Variants in DOCK10 observed in about 807,000 individuals in gnomAD.
The protein encoded by DOCK10 is dedicator of cytokinesis 10.
DOCK10 carries 145 observed loss-of-function variants against 280.1 expected under a neutral mutation model. That is an observed-to-expected ratio of 0.52 (90% CI 0.45 to 0.59). The LOEUF (loss-of-function observed/expected upper bound fraction) is 0.59, where lower values mean the gene tolerates loss of function less well. Ranked by LOEUF, DOCK10 falls within the 20% of genes least tolerant of loss-of-function variation. The probability of loss-of-function intolerance (pLI) is 0.00; values close to 1 mark genes in which losing one functional copy is unlikely to be tolerated. For synonymous variants in DOCK10, 915 were observed against 942.2 expected, an observed-to-expected ratio of 0.97 and a Z score of 0.53; for missense variants, 2,368 against 2,651.7, an observed-to-expected ratio of 0.89 and a Z score of 2.35.
intron 1 of DOCK10, among the ~76,000 whole-genome samples, chr2:224,972,021 A>G (rs1705114527): frequency 6.6e-6 from 1 of 152,144 alleles, no homozygotes. Context: ...AAAATTACAT[A>G]TGTGGCTTAT....
At chr2:224,983,544 G>A (rs1038598951) in intron 1 of DOCK10, 12 of 234,086 alleles carry the variant, frequency 5.1e-5, no homozygotes, top group Non-Finnish European at 9.8e-5. Context: ...TGGGCTCCTC[G>A]GCGTGAAGGG....
intron 55 of DOCK10, among the ~76,000 whole-genome samples, chr2:224,769,175 G>A (rs1285614963): frequency 1.3e-5 from 2 of 152,040 alleles, no homozygotes; most frequent in Admixed American, 6.6e-5. Context: ...CTACCTCCAC[G>A]AGGAATCCTA....
At chr2:224,869,277 A>C (rs143496887) in intron 11 of DOCK10, among the ~76,000 whole-genome samples, 42 of 152,330 alleles carry the variant, frequency 2.8e-4, no homozygotes, top group Middle Eastern at 3.4e-3. Context: ...TTTGGTTTTC[A>C]ATTTACTGAC....
At chr2:225,000,726 T>A (rs960564349) in intron 1 of DOCK10, among the ~76,000 whole-genome samples, 2 of 152,204 alleles carry the variant, frequency 1.3e-5, no homozygotes, top group Non-Finnish European at 2.9e-5. Flanking sequence ...ATGCCTGTAA[T>A]CCCAGCACTT....
chr2:224,862,628 G>T, intron 14 of DOCK10, 36 bp downstream of exon 14: 5 of 1,543,580 alleles, frequency 3.2e-6, no homozygotes, highest in Non-Finnish European at 4.5e-6. Context: ...ACCATTAAAT[G>T]TATTTCTAGT....
Position 224,800,148 on chromosome 2 carries a change from CACCTGAT to C in DOCK10, c.4502_4506+2del. On this transcript the variant is annotated splice_donor_variant and coding_sequence_variant, in exon 41 of 56. Transcript: ENST00000258390. LOFTEE classifies it high-confidence loss of function. ...TTGCAGAAAATGTTATCATCATATTCACCTGATGAGTCTGTGTGAAGAGGGATAACAG... is the reference window on the plus strand; with the variant it reads ...TTGCAGAAAATGTTATCATCATATTCGAGTCTGTGTGAAGAGGGATAACAG... 1 of 1,545,036 alleles carries C rather than the reference CACCTGAT, an allele frequency of 6.5e-7. No homozygotes were observed. Among genetic ancestry groups the C allele is most frequent in the Non-Finnish European group, 8.9e-7 (1 of 1,124,098 alleles).
chr2:224,950,544 G>C (rs1411155817), intron 1 of DOCK10, among the ~76,000 whole-genome samples: 1 of 152,192 alleles, frequency 6.6e-6, no homozygotes, highest in Non-Finnish European at 1.5e-5. Flanking sequence ...GAAGTTCAAA[G>C]ATGCCAGGTT....
intron 1 of DOCK10, among the ~76,000 whole-genome samples, chr2:224,946,096 C>A (rs1305237334): frequency 4.6e-5 from 7 of 152,182 alleles, no homozygotes; most frequent in African/African-American, 1.7e-4. Flanking sequence ...GTGGGCCCTT[C>A]ACTTTACATG....
In DOCK10 at chr2:224,931,629, T is replaced by G; in HGVS notation, c.163A>C (p.Thr55Pro). ...GTCTTTTCAAGTTCTTCAATGACAG[T>G]CTCATAATCCAAAGGCTCGAGAAGC... ...PRLLEPLDYETVIEELEKTYR... is the reference protein window; with the variant it reads ...PRLLEPLDYEPVIEELEKTYR... The change falls in exon 2 of 56, where the codon ACT (threonine) becomes CCT (proline). Residue 55 changes from threonine (T) to proline (P), a missense_variant. By Grantham distance (38) the Thr-to-Pro change is conservative. Coordinates refer to ENST00000258390, the MANE Select transcript of DOCK10 (RefSeq NM_014689.3). 1 of 1,611,140 alleles carries G rather than the reference T, an allele frequency of 6.2e-7. No homozygotes were observed. Among genetic ancestry groups the G allele is most frequent in the African/African-American group, 1.3e-5 (1 of 74,992 alleles).
chr2:224,783,814 A>T (rs756654402), intron 50 of DOCK10, among the ~76,000 whole-genome samples: 4 of 152,024 alleles, frequency 2.6e-5, no homozygotes, highest in Non-Finnish European at 4.4e-5. Context: ...AACATAGAAA[A>T]TGCTGGTATG....
chr2:224,837,510 T>C (rs1695666588), intron 25 of DOCK10, among the ~76,000 whole-genome samples: 1 of 152,260 alleles, frequency 6.6e-6, no homozygotes, highest in Non-Finnish European at 1.5e-5. Flanking sequence ...TTCTCCTCTA[T>C]CTTTTTCTTT....
intron 1 of DOCK10, among the ~76,000 whole-genome samples, chr2:224,978,767 C>T (rs1261603282): frequency 6.6e-6 from 1 of 152,168 alleles, no homozygotes; most frequent in Non-Finnish European, 1.5e-5. Context: ...AAACTCCAGA[C>T]ATATATGCAA....
At chr2:224,789,379 A>AT (rs1254133772) in intron 47 of DOCK10, among the ~76,000 whole-genome samples, 3 of 152,132 alleles carry the variant, frequency 2.0e-5, no homozygotes, top group African/African-American at 7.2e-5. Context: ...TTCAGGTGGC[A>AT]TTTTTTATAA....
chr2:224,804,151 G>C lies in DOCK10; in HGVS notation c.4229C>G (p.Ser1410Cys). 12 of 1,611,866 alleles carry C rather than the reference G, an allele frequency of 7.4e-6. No homozygotes were observed. Among genetic ancestry groups the C allele is most frequent in the Non-Finnish European group, 1.0e-5 (12 of 1,178,542 alleles). Residue 1410 changes from serine (S) to cysteine (C), a missense_variant, in exon 39 of 56, where the codon TCC (serine) becomes TGC (cysteine). Ser to Cys is a moderately radical substitution (Grantham distance 112). Around this residue, in one of 2 missense-constraint regions of DOCK10, gnomAD observed 1,159 missense variants for 1,400.8 expected, o/e 0.83. Transcript: ENST00000258390. ...ACCTGATGTCTGGCAGGAAGGATTGGATCCTTTGAGAGTTCCATTGTTCTG... is the reference window on the plus strand; with the variant it reads ...ACCTGATGTCTGGCAGGAAGGATTGCATCCTTTGAGAGTTCCATTGTTCTG... ...STQNNGTLKGSNPSCQTSGLL... is the reference protein window; with the variant it reads ...STQNNGTLKGCNPSCQTSGLL...
rs188214557 is a variant in DOCK10, at chr2:224,804,927, A to T, written c.4119-86T>A. The T allele has an allele frequency of 2.2e-3, 2,704 of 1,256,572 alleles. 6 individuals are homozygous for T. Among genetic ancestry groups the T allele is most frequent in the Admixed American group, 3.4e-3 (112 of 33,314 alleles). The allele number at this position is 1,256,572 out of a possible 1,614,324, so 77.8% of individuals were successfully genotyped here. Reference sequence around the variant, plus strand: ...CATCTAAGTATATTGAAAGAAAAATATTAAATTTTCTTTAAATAGTTCATA... The same window carrying T: ...CATCTAAGTATATTGAAAGAAAAATTTTAAATTTTCTTTAAATAGTTCATA... On this transcript the variant is annotated intron_variant, in intron 37 of 55. Transcript: ENST00000258390.
Position 224,957,295 on chromosome 2 carries a change from G to T in DOCK10, c.124-25627C>A, listed in dbSNP as rs74272795. On this transcript the variant is annotated intron_variant, in intron 1 of 55. Transcript: ENST00000258390. ...TAGTTTTTACTTTCCGCCCCCCCCC[G>T]GCTTTGTTTTTCGGAGATGGGGTCT... Among the ~76,000 whole-genome samples the T allele has an allele frequency of 9.7e-5, 12 of 123,810 alleles. 1 individual carries two copies. Among genetic ancestry groups the T allele is most frequent in the African/African-American group, 3.6e-4 (12 of 33,030 alleles). 81.2% of individuals were successfully genotyped at this position (123,810 alleles called of 152,430 possible).
chr2:224,930,361 C>A (rs1010777279), intron 2 of DOCK10, among the ~76,000 whole-genome samples: 3 of 152,118 alleles, frequency 2.0e-5, no homozygotes, highest in African/African-American at 7.2e-5. Context: ...CCTAGTCCAA[C>A]CACGGAAATG....
intron 47 of DOCK10, among the ~76,000 whole-genome samples, chr2:224,792,382 C>T (rs1051128464): frequency 5.3e-5 from 8 of 152,106 alleles, no homozygotes; most frequent in Non-Finnish European, 1.0e-4. Flanking sequence ...CTCCTGGGTT[C>T]AAGTGATTCT....
At chr2:224,829,976 A>G (rs1695116769) in intron 27 of DOCK10, among the ~76,000 whole-genome samples, 1 of 152,340 alleles carries the variant, frequency 6.6e-6, no homozygotes, top group East Asian at 1.9e-4. Context: ...CCAGGAATGC[A>G]CATCGCTCAA....
Sources: gnomAD v4.1 joint callset for allele counts (sites outside exome capture counted in the v4.1 genomes callset) on GRCh38, gnomAD v4.1.1 for gene constraint, gnomAD v4.1.1 regional missense constraint, MANE v1.5 for transcripts, NCBI Gene and HGNC (gene_info 2026-07-23, HGNC 2026-07-21) for gene names.